The following CPAMD8 variants were observed in gnomAD, a reference collection of about 807,000 sequenced individuals.
The protein encoded by CPAMD8 is C3 and PZP like alpha-2-macroglobulin domain containing 8.
In CPAMD8, 146 loss-of-function variants were observed where a neutral mutation model predicts 224.7. The observed-to-expected ratio is 0.65, with a 90% CI of 0.57 to 0.75. CPAMD8 has a LOEUF of 0.75. CPAMD8 is among the 30% of genes least tolerant of loss of function. The pLI, the probability that CPAMD8 is intolerant of heterozygous loss-of-function variation, is 0.00. For missense variants in CPAMD8, 2,301 were observed against 2,537.5 expected, an observed-to-expected ratio of 0.91 and a Z score of 2.00; for synonymous variants, 966 against 1,044.6, an observed-to-expected ratio of 0.92 and a Z score of 1.45.
At chr19:16,977,264 C>T (rs932938782) in intron 15 of CPAMD8, 104 bp downstream of exon 15, 26 of 716,728 alleles carry the variant, frequency 3.6e-5, no homozygotes, top group South Asian at 8.5e-5. Flanking sequence ...CATCATGCTG[C>T]GACACAACAT....
Position 16,937,933 on chromosome 19 carries a change from G to A in CPAMD8, c.2845+462C>T, listed in dbSNP as rs150884525. On this transcript the variant is annotated intron_variant, in intron 23 of 41. Transcript: ENST00000443236. ...CTCCCAGAGTGCTGGGATTATAGGC[G>A]TGAGCCTACCGCGCCCGGCCAACTT... is the stretch of plus-strand genomic sequence containing the variant. Among the ~76,000 whole-genome samples the A allele has an allele frequency of 2.6e-3, 402 of 152,264 alleles. 2 individuals carry two copies. Among genetic ancestry groups the A allele is most frequent in the African/African-American group, 9.1e-3 (380 of 41,546 alleles).
At position 16,903,727 on chromosome 19, in the gene CPAMD8, T is replaced by A. The variant is rs772231683; in HGVS notation, c.4382A>T (p.Asn1461Ile). Residue 1461 changes from asparagine to isoleucine, a missense_variant, in exon 33 of 42, where the codon AAC (asparagine) becomes ATC (isoleucine). Asn to Ile is a moderately radical substitution (Grantham distance 149, BLOSUM62 -3). Coordinates refer to ENST00000443236, the MANE Select transcript of CPAMD8 (RefSeq NM_015692.5). ...CGCTGCTGTCTGCAGAACCTTCTGG[T>A]TGGTCCTGTGCAGCTCGAAGGTTTC... ...YQETFELHRT[N>I]QKVLQTAAIP... The A allele has an allele frequency of 1.9e-6, 3 of 1,614,160 alleles. No individual in the cohort carries two copies. Among genetic ancestry groups the A allele is most frequent in the Non-Finnish European group, 2.5e-6 (3 of 1,180,024 alleles).
At chr19:17,026,189 G>A (rs1393203023) in intron 1 of CPAMD8, among the ~76,000 whole-genome samples, 1 of 152,096 alleles carries the variant, frequency 6.6e-6, no homozygotes, top group African/African-American at 2.4e-5. Context: ...CCCACCCACG[G>A]GAAAGTGCCC....
At chr19:16,904,817 TA>T (rs1222600902) in intron 30 of CPAMD8, among the ~76,000 whole-genome samples, 2 of 152,186 alleles carry the variant, frequency 1.3e-5, no homozygotes, top group Non-Finnish European at 2.9e-5. Context: ...CAGACATCAC[TA>T]ATCAAAGGCC....
At chr19:16,992,063 C>T (rs753879297) in intron 12 of CPAMD8, among the ~76,000 whole-genome samples, 5 of 152,178 alleles carry the variant, frequency 3.3e-5, no homozygotes, top group Non-Finnish European at 7.4e-5. Flanking sequence ...TACGTATTTA[C>T]TCTCTGCAGG....
At chr19:16,904,698 G>A (rs1165110268) in intron 30 of CPAMD8, 146 bp from the exon 31 acceptor site, 2 of 665,170 alleles carry the variant, frequency 3.0e-6, no homozygotes, top group Non-Finnish European at 5.5e-6. Flanking sequence ...AGCTGGAACA[G>A]GAAGGGCCTT....
intron 20 of CPAMD8, among the ~76,000 whole-genome samples, chr19:16,949,763 C>G (rs1164390662): frequency 1.3e-5 from 2 of 152,214 alleles, no homozygotes; most frequent in Non-Finnish European, 2.9e-5. Flanking sequence ...GCTGTTCCCT[C>G]TTTGCGAATG....
intron 12 of CPAMD8, 97 bp downstream of exon 12, chr19:16,993,319 C>A: frequency 1.0e-6 from 1 of 976,176 alleles, no homozygotes; most frequent in Admixed American, 2.2e-5. Context: ...CTGGGACGGG[C>A]TCCAGGCCCA....
At chr19:17,001,180 G>C (rs990087314) in intron 9 of CPAMD8, among the ~76,000 whole-genome samples, 2 of 151,974 alleles carry the variant, frequency 1.3e-5, no homozygotes, top group East Asian at 3.9e-4. Flanking sequence ...AAATTAGTTG[G>C]GTGTGGTGGC....
chr19:16,949,242 C>T (rs1294505606), intron 20 of CPAMD8, among the ~76,000 whole-genome samples: 2 of 151,972 alleles, frequency 1.3e-5, no homozygotes, highest in African/African-American at 4.8e-5. Flanking sequence ...CATACACTGC[C>T]CAGCAGGACT....
At chr19:16,999,459 C>T (rs1396763358) in intron 10 of CPAMD8, among the ~76,000 whole-genome samples, 2 of 151,746 alleles carry the variant, frequency 1.3e-5, no homozygotes, top group South Asian at 2.1e-4. Flanking sequence ...GTGGTGGGCA[C>T]CTATAGTCCC....
intron 20 of CPAMD8, among the ~76,000 whole-genome samples, chr19:16,950,793 G>GAAAA (rs757775739): frequency 1.7e-4 from 8 of 45,874 alleles, no homozygotes; most frequent in African/African-American, 6.0e-4. Context: ...ACCCTGTCTC[G>GAAAA]AAAAAAAAAA....
At chr19:16,922,123 C>T (rs980460907) in intron 26 of CPAMD8, 137 bp from the exon 27 acceptor site, 1 of 612,458 alleles carries the variant, frequency 1.6e-6, no homozygotes, top group South Asian at 1.9e-5. Context: ...GGAATTGCCT[C>T]GAATCACATC....
chr19:17,021,294 T>C (rs566420659), intron 2 of CPAMD8, among the ~76,000 whole-genome samples: 1 of 152,254 alleles, frequency 6.6e-6, no homozygotes, highest in South Asian at 2.1e-4. Context: ...TGGGTTTCAG[T>C]TGGCTAGCCA....
intron 17 of CPAMD8, among the ~76,000 whole-genome samples, chr19:16,973,824 GC>G (rs1000843129): frequency 1.4e-5 from 2 of 139,592 alleles, no homozygotes; most frequent in Admixed American, 7.4e-5. Flanking sequence ...GATAGCATTA[GC>G]CCTTTTTTTT....
chr19:16,990,450 G>C (rs1387275417), intron 12 of CPAMD8, among the ~76,000 whole-genome samples: 3 of 151,946 alleles, frequency 2.0e-5, no homozygotes, highest in Non-Finnish European at 4.4e-5. Flanking sequence ...TCAGCTACTA[G>C]GGGAGGCTGA....
chr19:16,975,118 C>A lies in CPAMD8; in HGVS notation c.2049G>T (p.Lys683Asn), dbSNP rs746914711. 1 of 1,612,614 alleles carries A rather than the reference C, an allele frequency of 6.2e-7. No individual in the cohort carries two copies. Among genetic ancestry groups the A allele is most frequent in the Non-Finnish European group, 8.5e-7 (1 of 1,179,770 alleles). ...TTACGGTGAAGGCAAACCCAGAGTC[C>A]TTGGTGATGCCCCAAGGCCACGGGA... is the stretch of plus-strand genomic sequence containing the variant. ...SVFPWPWGIT[K>N]DSGFAFTETG... The change falls in exon 17 of 42, where the codon AAG becomes AAT. Residue 683 changes from lysine to asparagine, a missense_variant. Transcript: ENST00000443236.
chr19:16,941,905 G>A (rs1330653064), intron 22 of CPAMD8, among the ~76,000 whole-genome samples: 1 of 152,168 alleles, frequency 6.6e-6, no homozygotes, highest in Non-Finnish European at 1.5e-5. Flanking sequence ...CAAGGAGGCT[G>A]GAGGTTGCAA....
chr19:16,949,593 C>T (rs1165714834), intron 20 of CPAMD8, among the ~76,000 whole-genome samples: 1 of 152,190 alleles, frequency 6.6e-6, no homozygotes, highest in African/African-American at 2.4e-5. Flanking sequence ...GCCTCCTTGC[C>T]TCTTGCCTAG....
Sources: allele counts gnomAD v4.1 joint callset (sites outside exome capture counted in the v4.1 genomes callset), GRCh38; gene constraint gnomAD v4.1.1; transcripts MANE v1.5; gene names NCBI Gene and HGNC (gene_info 2026-07-23, HGNC 2026-07-21).